ARID3B: variants seen among roughly 807,000 people sequenced by gnomAD.
ARID3B encodes the protein AT-rich interactive domain-containing protein 3B.
Under a neutral mutation model 51.9 loss-of-function variants are expected in ARID3B, and 10 were observed. The ratio of observed to expected loss-of-function variants is 0.19; its 90% CI spans 0.12 to 0.33. The LOEUF (loss-of-function observed/expected upper bound fraction) is 0.33, where lower values mean the gene tolerates loss of function less well. Among genes scored for constraint, ARID3B ranks in the 10% least tolerant of loss-of-function variants. ARID3B has a pLI of 1.00. For missense variants in ARID3B, 483 were observed against 716.3 expected (o/e 0.67, Z 3.72); for synonymous variants, 205 against 279.5 (o/e 0.73, Z 2.66).
intron 2 of ARID3B, among the ~76,000 whole-genome samples, chr15:74,561,913 A>C (rs1034012079): frequency 6.6e-6 from 1 of 152,046 alleles, no homozygotes; most frequent in Non-Finnish European, 1.5e-5. Flanking sequence ...GATACTCAAC[A>C]TGTTATTATA....
intron 2 of ARID3B, among the ~76,000 whole-genome samples, chr15:74,561,274 C>T (rs1344575099): frequency 1.3e-5 from 2 of 152,070 alleles, no homozygotes; most frequent in Non-Finnish European, 2.9e-5. Flanking sequence ...TAGCTCTTTA[C>T]TACATCTAGA....
chr15:74,560,036 A>AAAAAAAAAAAAAAAAAAAAAAAAAAC (rs1201700901), intron 2 of ARID3B, among the ~76,000 whole-genome samples: 2 of 142,428 alleles, frequency 1.4e-5, no homozygotes, highest in Non-Finnish European at 3.1e-5. Context: ...TCTACTAAAA[A>AAAAAAAAAAAAAAAAAAAAAAAAAAC]AAAAACCACA....
intron 2 of ARID3B, among the ~76,000 whole-genome samples, chr15:74,549,106 C>T (rs917376653): frequency 2.7e-5 from 4 of 150,898 alleles, no homozygotes; most frequent in Non-Finnish European, 5.9e-5. Flanking sequence ...GACGGTGTCT[C>T]GCTGTCACTC....
At chr15:74,592,722 C>T (rs58473469) in intron 7 of ARID3B, among the ~76,000 whole-genome samples, 41,091 of 152,200 alleles carry the variant, frequency 0.27, 7,723 homozygotes, top group East Asian at 0.55. Flanking sequence ...ACTCCTCTCT[C>T]TGAGGGACTC....
Position 74,572,850 on chromosome 15 carries a change from G to C in ARID3B, c.553-12G>C. 1.2e-6 allele frequency: 2 copies of C among 1,613,894 alleles called. No individual in the cohort carries two copies. The highest frequency in any genetic ancestry group is 1.7e-6 in the Non-Finnish European group (2 of 1,179,868). On this transcript the variant is annotated splice_polypyrimidine_tract_variant and intron_variant, in intron 2 of 8. Coordinates refer to ENST00000346246, the MANE Select transcript of ARID3B (RefSeq NM_006465.4). ...TTTGCCCCTCTCAACTTTGTGTTTT[G>C]TTCCCTTTTAGAATGGTGGTTTGGC...
At chr15:74,547,150 T>A (rs1596249016) in intron 2 of ARID3B, among the ~76,000 whole-genome samples, 1 of 151,604 alleles carries the variant, frequency 6.6e-6, no homozygotes, top group East Asian at 1.9e-4. Context: ...ACACAGATCT[T>A]TCCCCCCCGC....
At position 74,591,684 on chromosome 15, in the gene ARID3B, AGG is replaced by A; in HGVS notation, c.1293_1294del (p.Glu432AlafsTer3). 1 of 1,611,942 alleles carries A rather than the reference AGG, an allele frequency of 6.2e-7. No individual in the cohort carries two copies. The highest frequency in any genetic ancestry group is 8.5e-7 in the Non-Finnish European group (1 of 1,179,244). On this transcript the variant is annotated frameshift_variant, in exon 7 of 9. Coordinates refer to ENST00000346246, the MANE Select transcript of ARID3B (RefSeq NM_006465.4). LOFTEE classifies it high-confidence loss of function. This position sits in a 1 kb window ranked among gnomAD's most constrained non-coding sequence, Gnocchi z 5.8. ...LEQLRERLES[G>X]EPAEKKASRL... ...AGCAGCTGCGGGAGCGGCTGGAGTC[AGG>A]GGAGCCTGCTGAGAAGAAGGCATCG...
At chr15:74,548,274 G>T (rs2061623151) in intron 2 of ARID3B, among the ~76,000 whole-genome samples, 1 of 152,172 alleles carries the variant, frequency 6.6e-6, no homozygotes, top group African/African-American at 2.4e-5. Context: ...GTACAGGCTG[G>T]GTCTGTCTTG....
rs892037319 is a variant in ARID3B, at chr15:74,596,795, G to T, written c.*1021G>T. 2.7e-5 allele frequency: 6 copies of T among 223,568 alleles called. No homozygotes were observed. Among genetic ancestry groups the T allele is most frequent in the East Asian group, 6.3e-5 (1 of 15,894 alleles). The allele number at this position is 223,568 out of a possible 1,614,324, so 13.8% of individuals were successfully genotyped here. A position where few individuals can be genotyped will look rare whatever the true frequency, so the allele number is the denominator to read the frequency against. On this transcript the variant is annotated 3_prime_UTR_variant, in exon 9 of 9. Transcript: ENST00000346246. ...TTTTATATGTGTTTTGCTGACTTTT[G>T]TTTTTTTTTTATTTTAAAATTTTTA...
chr15:74,592,220 A>T (rs779983504), intron 7 of ARID3B, among the ~76,000 whole-genome samples: 2 of 152,192 alleles, frequency 1.3e-5, no homozygotes, highest in South Asian at 4.1e-4. Context: ...CGAGGGGCCA[A>T]GTTGCCCCGG....
At chr15:74,555,388 G>A (rs895505103) in intron 2 of ARID3B, among the ~76,000 whole-genome samples, 1 of 151,946 alleles carries the variant, frequency 6.6e-6, no homozygotes, top group Non-Finnish European at 1.5e-5. Flanking sequence ...GGAGTGCAGT[G>A]ACGCAATCAC....
Position 74,591,104 on chromosome 15 carries a change from CT to C in ARID3B, c.882-46del. ...CCCACCAACCTCAACTGGGTGGTCT[CT>C]GGTGCTGTTTTGGATTATTCTCCCT... On this transcript the variant is annotated intron_variant, in intron 5 of 8. Transcript: ENST00000346246. The surrounding 1 kb of genome is among the most constrained non-coding windows in gnomAD (Gnocchi z 5.8). 1.3e-6 allele frequency: 2 copies of C among 1,545,944 alleles called. No homozygotes were observed. Among genetic ancestry groups the C allele is most frequent in the South Asian group, 1.2e-5 (1 of 80,116 alleles).
At chr15:74,581,560 T>C (rs999976778) in intron 4 of ARID3B, among the ~76,000 whole-genome samples, 3 of 152,334 alleles carry the variant, frequency 2.0e-5, no homozygotes, top group East Asian at 3.9e-4. Flanking sequence ...TTTTAGTGTC[T>C]GGATTAGCCC....
chr15:74,566,779 AAAG>A (rs1371297751), intron 2 of ARID3B, among the ~76,000 whole-genome samples: 4 of 152,192 alleles, frequency 2.6e-5, no homozygotes, highest in Admixed American at 6.5e-5. Flanking sequence ...TAAAATAAAA[AAAG>A]AGCATAATTG....
At chr15:74,557,235 T>G (rs1490520631) in intron 2 of ARID3B, among the ~76,000 whole-genome samples, 1 of 150,988 alleles carries the variant, frequency 6.6e-6, no homozygotes, top group Non-Finnish European at 1.5e-5. Context: ...AGCAACATGA[T>G]GAAACCCTGT....
intron 4 of ARID3B, among the ~76,000 whole-genome samples, chr15:74,587,533 G>A (rs971346785): frequency 5.3e-5 from 8 of 152,148 alleles, no homozygotes; most frequent in African/African-American, 1.4e-4. Context: ...GGAAGTAAAC[G>A]GGTCACACGT....
intron 4 of ARID3B, among the ~76,000 whole-genome samples, chr15:74,582,923 GT>G (rs1420960383): frequency 1.3e-5 from 2 of 152,080 alleles, no homozygotes; most frequent in African/African-American, 4.8e-5. Flanking sequence ...GCCGGGTACG[GT>G]GGCTCACACC....
intron 2 of ARID3B, among the ~76,000 whole-genome samples, chr15:74,552,992 T>C (rs2061643671): frequency 6.6e-6 from 1 of 152,226 alleles, no homozygotes; most frequent in Non-Finnish European, 1.5e-5. Context: ...TATTTTTAGC[T>C]TTCTAAGAAA....
Position 74,544,032 on chromosome 15 carries a change from C to A in ARID3B, c.96C>A (p.Gly32=). The change falls in exon 2 of 9, where the codon GGC becomes GGA. Residue 32 remains glycine, a synonymous_variant. Coordinates refer to ENST00000346246, the MANE Select transcript of ARID3B (RefSeq NM_006465.4). ...PLQMDAREKQ[G]QQMREAQFLY... is the part of the protein sequence containing the mutation. Reference sequence around the variant, plus strand: ...AGATGGATGCCAGAGAGAAGCAGGGCCAGCAGATGAGAGAAGCCCAGTTCT... The same window carrying A: ...AGATGGATGCCAGAGAGAAGCAGGGACAGCAGATGAGAGAAGCCCAGTTCT... The A allele has an allele frequency of 6.2e-7, 1 of 1,612,356 alleles. No individual in the cohort carries two copies. Among genetic ancestry groups the A allele is most frequent in the Non-Finnish European group, 8.5e-7 (1 of 1,179,242 alleles).
Sources: allele counts gnomAD v4.1 joint callset (sites outside exome capture counted in the v4.1 genomes callset), GRCh38; gene constraint gnomAD v4.1.1; non-coding constraint Gnocchi (gnomAD v3.1); transcripts MANE v1.5; gene names NCBI Gene and HGNC (gene_info 2026-07-23, HGNC 2026-07-21).